BCAS3: variants seen among roughly 807,000 people sequenced by gnomAD.
BCAS3 encodes BCAS4/BCAS3 fusion.
Under a neutral mutation model 116.1 loss-of-function variants are expected in BCAS3, and 53 were observed. That is an observed-to-expected ratio of 0.46 (90% CI 0.37 to 0.57). BCAS3 has a LOEUF of 0.57. BCAS3 is among the 20% of genes least tolerant of loss of function. The pLI, the probability that BCAS3 is intolerant of heterozygous loss-of-function variation, is 0.00. For synonymous variants in BCAS3, 391 were observed against 408.2 expected (o/e 0.96, Z 0.51); for missense variants, 917 against 1,165.4 (o/e 0.79, Z 3.10).
At chr17:60,997,068 G>A (rs1335234470) in intron 15 of BCAS3, among the ~76,000 whole-genome samples, 4 of 152,096 alleles carry the variant, frequency 2.6e-5, no homozygotes, top group Non-Finnish European at 4.4e-5. Context: ...TGAGATCACC[G>A]GGCATGAATT....
intron 13 of BCAS3, among the ~76,000 whole-genome samples, chr17:60,936,446 A>G (rs2059930773): frequency 6.6e-6 from 1 of 152,104 alleles, no homozygotes; most frequent in African/African-American, 2.4e-5. Context: ...TGACTTCCAC[A>G]ATGGTTGAAC....
intron 22 of BCAS3, among the ~76,000 whole-genome samples, chr17:61,231,886 AAG>A (rs1555787926): frequency 7.2e-4 from 107 of 148,010 alleles, no homozygotes; most frequent in Non-Finnish European, 1.1e-3. Context: ...AAAAAAAAAA[AAG>A]AAAGAGAAAG....
rs779842062 is a variant in BCAS3, at chr17:60,990,795, C to T, written c.1486+560C>T. On this transcript the variant is annotated intron_variant, in intron 15 of 23. Transcript: ENST00000407086. This position sits in a 1 kb window ranked among gnomAD's most constrained non-coding sequence, Gnocchi z 5.1. ...CCGAGCAGCTGGGATTACAGGCATCCGCCACCACGCCTGGCTGATTTTCAG... is the reference window on the plus strand; with the variant it reads ...CCGAGCAGCTGGGATTACAGGCATCTGCCACCACGCCTGGCTGATTTTCAG... Among the ~76,000 whole-genome samples the T allele has an allele frequency of 2.6e-5, 4 of 152,046 alleles. No homozygotes were observed. The highest frequency in any genetic ancestry group is 4.8e-5 in the African/African-American group (2 of 41,404).
intron 23 of BCAS3, among the ~76,000 whole-genome samples, chr17:61,372,677 C>A (rs1286521215): frequency 6.6e-6 from 1 of 152,152 alleles, no homozygotes; most frequent in Admixed American, 6.5e-5. Context: ...AGAGGGTCCC[C>A]GAGCATACGC....
chr17:60,742,866 C>T (rs1055791982), intron 5 of BCAS3, among the ~76,000 whole-genome samples: 8 of 151,884 alleles, frequency 5.3e-5, no homozygotes, highest in African/African-American at 1.9e-4. Context: ...GTAATCCCAG[C>T]ACTTTGGGAG....
At position 61,131,064 on chromosome 17, in the gene BCAS3, G is replaced by T. The variant is rs2076311606; in HGVS notation, c.2425+46500G>T. 6.6e-6 allele frequency among the ~76,000 whole-genome samples: 1 copy of T among 151,508 alleles called. No individual in the cohort carries two copies. Among genetic ancestry groups the T allele is most frequent in the Non-Finnish European group, 1.5e-5 (1 of 67,864 alleles). ...AAGCAAGACTCTGTCTCAAAAAGGG[G>T]GAAAAAAAAAGATGTTGGAGACCTA... On this transcript the variant is annotated intron_variant, in intron 22 of 23. Transcript: ENST00000407086. The surrounding 1 kb of genome is among the most constrained non-coding windows in gnomAD (Gnocchi z 4.4).
chr17:60,810,332 G>A (rs1477757756), intron 7 of BCAS3: 1 of 446,394 alleles, frequency 2.2e-6, no homozygotes, highest in East Asian at 5.4e-5. Context: ...AACTTCTGGG[G>A]TGGCATGGGG....
intron 11 of BCAS3, among the ~76,000 whole-genome samples, chr17:60,910,190 A>G (rs890863595): frequency 6.6e-6 from 1 of 152,188 alleles, no homozygotes; most frequent in East Asian, 1.9e-4. Context: ...ATTGATTTTA[A>G]GATGTATACA....
chr17:60,988,183 T>C lies in BCAS3; in HGVS notation c.1222-1788T>C, dbSNP rs184819784. On this transcript the variant is annotated intron_variant, in intron 14 of 23. Transcript: ENST00000407086. The stretch of plus-strand genomic sequence containing the variant: ...ACCTGGGATAAATTCCACTTGGTTG[T>C]GATTTTTTTTTTTGATGTGTTGTTG... Among the ~76,000 whole-genome samples, 74 of 134,500 alleles carry C rather than the reference T, an allele frequency of 5.5e-4. 1 individual carries two copies. Among genetic ancestry groups the C allele is most frequent in the Admixed American group, 5.0e-3 (73 of 14,708 alleles). 88.2% of individuals were successfully genotyped at this position (134,500 alleles called of 152,430 possible).
At chr17:60,780,137 C>G (rs368557258) in intron 6 of BCAS3, among the ~76,000 whole-genome samples, 1 of 151,636 alleles carries the variant, frequency 6.6e-6, no homozygotes, top group Non-Finnish European at 1.5e-5. Context: ...ACTACAGGCA[C>G]GTGCCACCAC....
At chr17:61,264,341 A>G (rs2049483938) in intron 22 of BCAS3, among the ~76,000 whole-genome samples, 1 of 152,072 alleles carries the variant, frequency 6.6e-6, no homozygotes, top group African/African-American at 2.4e-5. Context: ...GAAAAAAATC[A>G]TGATATATTC....
intron 9 of BCAS3, 141 bp downstream of exon 9, chr17:60,874,879 C>T (rs1399837385): frequency 1.9e-5 from 10 of 533,126 alleles, no homozygotes; most frequent in Non-Finnish European, 2.9e-5. Context: ...TGTGGCTATT[C>T]TCATTGAGTA....
chr17:61,142,729 T>C (rs907008247), intron 22 of BCAS3, among the ~76,000 whole-genome samples: 3 of 152,186 alleles, frequency 2.0e-5, no homozygotes, highest in Admixed American at 6.5e-5. Flanking sequence ...TTCAAAATAA[T>C]AGAGGAGGAG....
At chr17:60,818,652 T>A (rs1426583087) in intron 7 of BCAS3, among the ~76,000 whole-genome samples, 1 of 152,156 alleles carries the variant, frequency 6.6e-6, no homozygotes, top group East Asian at 1.9e-4. Flanking sequence ...TCTTTGCTGC[T>A]TGTAGACATG....
At chr17:61,350,231 A>G (rs970798371) in intron 22 of BCAS3, among the ~76,000 whole-genome samples, 1 of 151,928 alleles carries the variant, frequency 6.6e-6, no homozygotes, top group African/African-American at 2.4e-5. Context: ...CCTGGCCAAC[A>G]TGGTGAAACC....
At position 61,239,407 on chromosome 17, in the gene BCAS3, T is replaced by A. The variant is rs180967784; in HGVS notation, c.2426-128920T>A. 1.2e-4 allele frequency among the ~76,000 whole-genome samples: 19 copies of A among 152,352 alleles called. No homozygotes were observed. Among genetic ancestry groups the A allele is most frequent in the African/African-American group, 4.6e-4 (19 of 41,588 alleles). On this transcript the variant is annotated intron_variant, in intron 22 of 23. Coordinates refer to ENST00000407086, the MANE Select transcript of BCAS3 (RefSeq NM_017679.5). This position sits in a 1 kb window ranked among gnomAD's most constrained non-coding sequence, Gnocchi z 4.2. ...GTTTTGGGGTTTTTTGTTTTGTTTT[T>A]AATTCAATTTGCAAAGCCTCTAGCA...
rs1411654215 is a variant in BCAS3 at position 61,279,524 on chromosome 17, A to C, written c.2426-88803A>C. Among the ~76,000 whole-genome samples the C allele has an allele frequency of 6.6e-6, 1 of 152,104 alleles. No homozygotes were observed. Among genetic ancestry groups the C allele is most frequent in the Non-Finnish European group, 1.5e-5 (1 of 68,018 alleles). ...TTCACAAGCCAGTTTGTATTTTGCA[A>C]ACTTTCCCTTGGGGCCTCAGCAGAG... On this transcript the variant is annotated intron_variant, in intron 22 of 23. Transcript: ENST00000407086. The surrounding 1 kb of genome is among the most constrained non-coding windows in gnomAD (Gnocchi z 4.4).
At chr17:61,164,012 A>C (rs947063190) in intron 22 of BCAS3, among the ~76,000 whole-genome samples, 147 of 72,698 alleles carry the variant, frequency 2.0e-3, no homozygotes, top group African/African-American at 0.013. Flanking sequence ...AAAAAAAACC[A>C]AAAAAAAAAA....
At chr17:61,172,845 G>A (rs565299603) in intron 22 of BCAS3, among the ~76,000 whole-genome samples, 16 of 151,778 alleles carry the variant, frequency 1.1e-4, no homozygotes, top group South Asian at 2.1e-4. Flanking sequence ...AAAATTAGCC[G>A]GGCGTGGCGG....
Sources: gnomAD v4.1 joint callset for allele counts (sites outside exome capture counted in the v4.1 genomes callset) on GRCh38, gnomAD v4.1.1 for gene constraint, Gnocchi (gnomAD v3.1) non-coding constraint, MANE v1.5 for transcripts, NCBI Gene and HGNC (gene_info 2026-07-23, HGNC 2026-07-21) for gene names.